Variants in PYGO1 observed in about 807,000 individuals in gnomAD.
The protein encoded by PYGO1 is pygopus family PHD finger 1.
Under a neutral mutation model 29.5 loss-of-function variants are expected in PYGO1, and 6 were observed. The observed-to-expected ratio is 0.20, with a 90% CI of 0.11 to 0.40. The LOEUF is 0.40. PYGO1 is among the 10% of genes least tolerant of loss of function. PYGO1 has a pLI of 1.00. For missense variants in PYGO1, 515 were observed against 514.9 expected (o/e 1.00, Z 0.00); for synonymous variants, 186 against 180.5 (o/e 1.03, Z -0.24).
chr15:55,557,476 C>T (rs2058911441), intron 1 of PYGO1, among the ~76,000 whole-genome samples: 1 of 152,178 alleles, frequency 6.6e-6, no homozygotes, highest in Non-Finnish European at 1.5e-5. Flanking sequence ...AGAGGGAATC[C>T]TCCCCAACTC....
intron 1 of PYGO1, among the ~76,000 whole-genome samples, chr15:55,564,617 T>G (rs1035585146): frequency 6.6e-6 from 1 of 151,804 alleles, no homozygotes; most frequent in African/African-American, 2.4e-5. Flanking sequence ...AAGGCACAGG[T>G]GTCACAAAAG....
In PYGO1 at chr15:55,542,014, GAA is replaced by G. The variant is rs1448519111; in HGVS notation, c.*4007_*4008del. The G allele has an allele frequency of 6.6e-6, 1 of 151,780 alleles. No homozygotes were observed. The highest frequency in any genetic ancestry group is 2.4e-5 in the African/African-American group (1 of 41,314). 9.4% of individuals were successfully genotyped at this position (151,780 alleles called of 1,614,324 possible). ...GATGCCTTTAAATTTTTTTTTAATT[GAA>G]AAAGATATAAAACAGCACAAATGTC... On this transcript the variant is annotated 3_prime_UTR_variant, in exon 3 of 3. Coordinates refer to ENST00000563719, the MANE Select transcript of PYGO1 (RefSeq NM_001367806.1).
intron 1 of PYGO1, among the ~76,000 whole-genome samples, chr15:55,555,715 A>G (rs902502392): frequency 2.6e-5 from 4 of 152,158 alleles, no homozygotes; most frequent in Non-Finnish European, 4.4e-5. Flanking sequence ...AAATGGCCCA[A>G]TTAAAAGGCA....
rs1555426996 is a variant in PYGO1 at position 55,588,131 on chromosome 15, C to CGCGGCCTGGGG, written c.-259_-249dup. The CGCGGCCTGGGG allele has an allele frequency of 2.4e-6, 2 of 841,018 alleles. No homozygotes were observed. The highest frequency in any genetic ancestry group is 2.9e-6 in the Non-Finnish European group (2 of 700,634). 52.1% of individuals were successfully genotyped at this position (841,018 alleles called of 1,614,324 possible). On this transcript the variant is annotated 5_prime_UTR_variant, in exon 1 of 3. The change abolishes the stop of an existing upstream ORF in the 5' untranslated region. Transcript: ENST00000563719. ...GGGGCTCAGCGGCGGTGGCCGGGAG[C>CGCGGCCTGGGG]GCGGCCTGGGGGCGGCCCCCCACCC...
chr15:55,564,062 C>T (rs1391969611), intron 1 of PYGO1, among the ~76,000 whole-genome samples: 1 of 152,166 alleles, frequency 6.6e-6, no homozygotes, highest in Non-Finnish European at 1.5e-5. Context: ...CAATTCCTCT[C>T]CTAGGTATTT....
Position 55,544,445 on chromosome 15 carries a change from T to C in PYGO1, c.*1578A>G. ...AAAGGTCCAGTGACTAAAATGGACA[T>C]GACAAAATTTCATAGCCCAAGTCAC... On this transcript the variant is annotated 3_prime_UTR_variant, in exon 3 of 3. Coordinates refer to ENST00000563719, the MANE Select transcript of PYGO1 (RefSeq NM_001367806.1). The C allele has an allele frequency of 6.6e-6, 1 of 152,196 alleles. No individual in the cohort carries two copies. The highest frequency in any genetic ancestry group is 1.5e-5 in the Non-Finnish European group (1 of 68,028). The allele number at this position is 152,196 out of a possible 1,614,324, so 9.4% of individuals were successfully genotyped here. A position where few individuals can be genotyped will look rare whatever the true frequency, so the allele number is the denominator to read the frequency against.
chr15:55,557,682 G>C (rs1224722448), intron 1 of PYGO1, among the ~76,000 whole-genome samples: 3 of 152,086 alleles, frequency 2.0e-5, no homozygotes, highest in African/African-American at 4.8e-5. Flanking sequence ...TGCAAAGCTG[G>C]TTCAACATAT....
At chr15:55,556,476 T>C (rs1162619508) in intron 1 of PYGO1, among the ~76,000 whole-genome samples, 1 of 152,096 alleles carries the variant, frequency 6.6e-6, no homozygotes, top group East Asian at 1.9e-4. Flanking sequence ...TGTACCAGAA[T>C]CTCTGGGATG....
Position 55,586,958 on chromosome 15 carries a change from A to G in PYGO1, c.49+877T>C, listed in dbSNP as rs114706525. ...AACTCCTACTGGATGAAGATTGTCT[A>G]TCTGCTTTGTTCACTGCTGTATCCC... On this transcript the variant is annotated intron_variant, in intron 1 of 2. Transcript: ENST00000563719. 4.5e-3 allele frequency among the ~76,000 whole-genome samples: 685 copies of G among 152,356 alleles called. 9 individuals are homozygous for G. The highest frequency in any genetic ancestry group is 0.016 in the African/African-American group (647 of 41,574).
At chr15:55,561,849 T>G (rs1241700715) in intron 1 of PYGO1, among the ~76,000 whole-genome samples, 2 of 152,030 alleles carry the variant, frequency 1.3e-5, no homozygotes, top group African/African-American at 4.8e-5. Flanking sequence ...ATGCAAAAAT[T>G]GACAAATGGG....
Position 55,546,717 on chromosome 15 carries a change from G to A in PYGO1, c.566C>T (p.Pro189Leu). 6.2e-7 allele frequency: 1 copy of A among 1,613,962 alleles called. No homozygotes were observed. ...GTTAGAAACTTGGCTAGCATTCTGT[G>A]GAGGAATTTGACTGAAATTTTCAGC... ...NPAENFSQIP[P>L]QNASQVSNPD... The change falls in exon 3 of 3, where the codon CCA (proline) becomes CTA (leucine). Residue 189 changes from proline to leucine, a missense_variant. Pro to Leu is a moderately conservative substitution (Grantham distance 98). Transcript: ENST00000563719.
intron 1 of PYGO1, among the ~76,000 whole-genome samples, chr15:55,563,592 C>T (rs12595148): frequency 0.12 from 17,786 of 151,996 alleles, 1,992 homozygotes; most frequent in East Asian, 0.36. Flanking sequence ...CCTCGTGATC[C>T]GCCTGCCTCG....
chr15:55,572,733 C>T (rs1157882150), intron 1 of PYGO1, among the ~76,000 whole-genome samples: 2 of 152,042 alleles, frequency 1.3e-5, no homozygotes, highest in South Asian at 2.1e-4. Flanking sequence ...GACCTAGGTA[C>T]ACATTTTTCC....
At chr15:55,564,396 G>A (rs192937550) in intron 1 of PYGO1, among the ~76,000 whole-genome samples, 429 of 152,322 alleles carry the variant, frequency 2.8e-3, no homozygotes, top group Non-Finnish European at 4.7e-3. Flanking sequence ...CAGATTAGTA[G>A]TTGACAGACC....
chr15:55,552,069 T>C (rs951489013), intron 1 of PYGO1, among the ~76,000 whole-genome samples: 2 of 152,030 alleles, frequency 1.3e-5, no homozygotes, highest in African/African-American at 4.8e-5. Context: ...TAGAAGCAGC[T>C]GTGGGCCAGG....
intron 1 of PYGO1, 88 bp from the exon 2 acceptor site, chr15:55,549,083 T>A: frequency 1.0e-6 from 1 of 981,940 alleles, no homozygotes; most frequent in East Asian, 2.8e-5. Flanking sequence ...ATTTACCTGT[T>A]AATGTTTTCT....
chr15:55,582,950 C>A (rs1276855440), intron 1 of PYGO1, among the ~76,000 whole-genome samples: 1 of 152,016 alleles, frequency 6.6e-6, no homozygotes. Context: ...TTGTAAAGTC[C>A]ATTTTTAGTA....
chr15:55,560,779 G>C (rs934901125), intron 1 of PYGO1, among the ~76,000 whole-genome samples: 45 of 152,030 alleles, frequency 3.0e-4, no homozygotes, highest in African/African-American at 9.7e-4. Context: ...TGGCCAACAT[G>C]GTGAAACCCT....
At chr15:55,588,517 C>T (rs1480817335), upstream of PYGO1, among the ~76,000 whole-genome samples, 3 of 147,286 alleles carry the variant, frequency 2.0e-5, no homozygotes, top group South Asian at 4.2e-4. Context: ...GCCGCCGCCT[C>T]GCGCTCCGCC....
Sources: gnomAD v4.1 joint callset for allele counts (sites outside exome capture counted in the v4.1 genomes callset) on GRCh38, gnomAD v4.1.1 for gene constraint, MANE v1.5 for transcripts, NCBI Gene and HGNC (gene_info 2026-07-23, HGNC 2026-07-21) for gene names.